Variants in LIMCH1 observed in about 807,000 individuals in gnomAD.
LIMCH1 encodes the protein LIM and calponin homology domains-containing protein 1.
LIMCH1 carries 113 observed loss-of-function variants against 176.5 expected under a neutral mutation model. The ratio of observed to expected loss-of-function variants is 0.64; its 90% confidence interval spans 0.55 to 0.75. The LOEUF is 0.75. LIMCH1 is among the 30% of genes least tolerant of loss of function. LIMCH1 has a pLI of 0.00. For synonymous variants in LIMCH1, 619 were observed against 645.9 expected, an observed-to-expected ratio of 0.96 and a Z score of 0.63; for missense variants, 1,674 against 1,814.9, an observed-to-expected ratio of 0.92 and a Z score of 1.41.
intron 1 of LIMCH1, among the ~76,000 whole-genome samples, chr4:41,477,113 C>T (rs1321164066): frequency 2.0e-5 from 3 of 152,138 alleles, no homozygotes; most frequent in African/African-American, 7.2e-5. Flanking sequence ...AGCCAGACTG[C>T]CCAGCTTAGA....
intron 1 of LIMCH1, among the ~76,000 whole-genome samples, chr4:41,554,125 T>C (rs1340458040): frequency 6.6e-6 from 1 of 152,200 alleles, no homozygotes; most frequent in African/African-American, 2.4e-5. Flanking sequence ...TGAATCGGTT[T>C]TTCCATTCCC....
chr4:41,408,559 G>A (rs943808545), intron 1 of LIMCH1, among the ~76,000 whole-genome samples: 1 of 152,168 alleles, frequency 6.6e-6, no homozygotes, highest in African/African-American at 2.4e-5. Flanking sequence ...GTATTCCCAT[G>A]TAAAAATGTC....
intron 5 of LIMCH1, among the ~76,000 whole-genome samples, chr4:41,614,431 A>G (rs1380442319): frequency 6.6e-6 from 1 of 152,188 alleles, no homozygotes; most frequent in Non-Finnish European, 1.5e-5. Flanking sequence ...TACATATTCT[A>G]CATATATAAA....
chr4:41,604,739 T>C (rs1329176231), intron 3 of LIMCH1, among the ~76,000 whole-genome samples: 3 of 152,194 alleles, frequency 2.0e-5, no homozygotes, highest in African/African-American at 7.2e-5. Flanking sequence ...GTTAATGTCC[T>C]GACGTTTGAA....
intron 3 of LIMCH1, among the ~76,000 whole-genome samples, chr4:41,526,790 A>T (rs2076703789): frequency 6.6e-6 from 1 of 152,224 alleles, no homozygotes. Flanking sequence ...CCTATTTCCC[A>T]ATGTAAGTGA....
intron 5 of LIMCH1, among the ~76,000 whole-genome samples, chr4:41,616,494 A>G (rs1207117885): frequency 6.6e-6 from 1 of 152,018 alleles, no homozygotes; most frequent in East Asian, 1.9e-4. Flanking sequence ...ACACCATTGC[A>G]CTCCAGACTG....
At chr4:41,436,286 G>A (rs2062073369) in intron 1 of LIMCH1, among the ~76,000 whole-genome samples, 1 of 151,928 alleles carries the variant, frequency 6.6e-6, no homozygotes. Flanking sequence ...GTGTAGAGAT[G>A]GCATGACATT....
intron 2 of LIMCH1, among the ~76,000 whole-genome samples, chr4:41,503,209 C>G (rs1229356463): frequency 1.3e-5 from 2 of 152,222 alleles, no homozygotes; most frequent in South Asian, 2.1e-4. Context: ...AGTAGAAGTC[C>G]TGGTGCCTGC....
intron 2 of LIMCH1, among the ~76,000 whole-genome samples, chr4:41,512,317 C>T (rs1279741672): frequency 7.2e-6 from 1 of 139,038 alleles, no homozygotes; most frequent in Non-Finnish European, 1.6e-5. Flanking sequence ...TGCAAAATGA[C>T]ACAGCCATTT....
At chr4:41,399,128 C>T (rs1037618210) in intron 1 of LIMCH1, among the ~76,000 whole-genome samples, 1 of 152,142 alleles carries the variant, frequency 6.6e-6, no homozygotes, top group East Asian at 1.9e-4. Context: ...AAGGGGAAAG[C>T]AGAGGCATGG....
intron 10 of LIMCH1, among the ~76,000 whole-genome samples, chr4:41,631,857 G>T (rs2093343740): frequency 6.6e-6 from 1 of 152,080 alleles, no homozygotes; most frequent in African/African-American, 2.4e-5. Context: ...CTGTCCCTTA[G>T]AGAGAGAAAG....
At chr4:41,668,429 G>C (rs957747781) in intron 21 of LIMCH1, among the ~76,000 whole-genome samples, 7 of 152,168 alleles carry the variant, frequency 4.6e-5, no homozygotes, top group Non-Finnish European at 1.0e-4. Context: ...CTAGTACTTT[G>C]TAATTGTGTA....
chr4:41,499,035 C>T (rs1160623329), intron 2 of LIMCH1, among the ~76,000 whole-genome samples: 1 of 152,162 alleles, frequency 6.6e-6, no homozygotes, highest in Non-Finnish European at 1.5e-5. Flanking sequence ...TTCTAAAGGA[C>T]TGTGGAATTA....
chr4:41,616,300 A>T (rs766099643), intron 5 of LIMCH1, among the ~76,000 whole-genome samples: 7 of 151,860 alleles, frequency 4.6e-5, no homozygotes, highest in Non-Finnish European at 7.4e-5. Context: ...GGCCAAGGTG[A>T]GTAGATCACC....
At chr4:41,651,815 A>G (rs1338415348) in intron 18 of LIMCH1, among the ~76,000 whole-genome samples, 1 of 152,270 alleles carries the variant, frequency 6.6e-6, no homozygotes, top group Non-Finnish European at 1.5e-5. Context: ...CAGGTACTGC[A>G]GAAAAGTGAA....
At chr4:41,398,617 CTG>C (rs1487624180) in intron 1 of LIMCH1, among the ~76,000 whole-genome samples, 2 of 152,160 alleles carry the variant, frequency 1.3e-5, no homozygotes, top group African/African-American at 4.8e-5. Context: ...GAACTGAAAT[CTG>C]AGAGGTTCCT....
At chr4:41,503,269 T>A (rs2073695710) in intron 2 of LIMCH1, among the ~76,000 whole-genome samples, 1 of 152,302 alleles carries the variant, frequency 6.6e-6, no homozygotes, top group Middle Eastern at 3.4e-3. Flanking sequence ...ATTAACCGAA[T>A]GGCCAGGTCT....
chr4:41,633,610 CA>C lies in LIMCH1; in HGVS notation c.1893del (p.Ala632LeufsTer9). 7 of 1,536,176 alleles carry C rather than the reference CA, an allele frequency of 4.6e-6. No homozygotes were observed. The highest frequency in any genetic ancestry group is 6.1e-6 in the Non-Finnish European group (7 of 1,146,934). ...SGTEEKLEKM[T>X]APAWSGSGLK... is the part of the protein sequence containing the mutation. Reference sequence around the variant, plus strand: ...ACAGAAGAGAAGTTGGAGAAGATGACAGCTCCTGCCTGGAGTGGCAGTGGAC... The same window carrying C: ...ACAGAAGAGAAGTTGGAGAAGATGACGCTCCTGCCTGGAGTGGCAGTGGAC... On this transcript the variant is annotated frameshift_variant, in exon 13 of 32. Coordinates refer to ENST00000503057, the MANE Select transcript of LIMCH1 (RefSeq NM_001330672.2). LOFTEE classifies it high-confidence loss of function.
chr4:41,471,979 CCTTAA>C (rs1264836522), intron 1 of LIMCH1, among the ~76,000 whole-genome samples: 5 of 152,142 alleles, frequency 3.3e-5, no homozygotes, highest in East Asian at 3.9e-4. Flanking sequence ...ACTTTTCTTT[CCTTAA>C]CTTTTCTGTA....
Sources: gnomAD v4.1 joint callset for allele counts (sites outside exome capture counted in the v4.1 genomes callset) on GRCh38, gnomAD v4.1.1 for gene constraint, MANE v1.5 for transcripts, NCBI Gene and HGNC (gene_info 2026-07-23, HGNC 2026-07-21) for gene names.